CYP4X1: variants seen among roughly 807,000 people sequenced by gnomAD.
The protein encoded by CYP4X1 is cytochrome P450 family 4 subfamily X member 1, also known as cytochrome P450 4X1.
CYP4X1 carries 44 observed loss-of-function variants against 57.9 expected under a neutral mutation model. That is an observed-to-expected ratio of 0.76 (90% CI 0.60 to 0.98). The LOEUF is 0.98. Among genes scored for constraint, CYP4X1 ranks in the 50% least tolerant of loss-of-function variants. The pLI, the probability that CYP4X1 is intolerant of heterozygous loss-of-function variation, is 0.00. For missense variants in CYP4X1, 532 were observed against 623.9 expected, an observed-to-expected ratio of 0.85 and a Z score of 1.57; for synonymous variants, 227 against 228.6, an observed-to-expected ratio of 0.99 and a Z score of 0.06.
the CYP4X1 span, among the ~76,000 whole-genome samples, chr1:47,011,610 A>C: frequency 6.6e-6 from 1 of 152,226 alleles, no homozygotes; most frequent in Non-Finnish European, 1.5e-5. Flanking sequence ...CTACCATCAG[A>C]CTGAACAGGC....
intron 8 of CYP4X1, among the ~76,000 whole-genome samples, chr1:47,040,380 G>A (rs1359073933): frequency 6.6e-6 from 1 of 152,112 alleles, no homozygotes; most frequent in African/African-American, 2.4e-5. Context: ...AAGATAAAAT[G>A]TGTTCCTGAC....
the CYP4X1 span, among the ~76,000 whole-genome samples, chr1:46,992,635 T>A: frequency 6.6e-6 from 1 of 152,242 alleles, no homozygotes; most frequent in Non-Finnish European, 1.5e-5. Context: ...ACATTCTGTG[T>A]ACCCATTTGT....
the CYP4X1 span, among the ~76,000 whole-genome samples, chr1:47,006,899 C>G: frequency 6.6e-6 from 1 of 152,164 alleles, no homozygotes; most frequent in South Asian, 2.1e-4. Context: ...CCAAAACTGC[C>G]GAGGCTTGAG....
the CYP4X1 span, among the ~76,000 whole-genome samples, chr1:46,983,146 G>A: frequency 2.0e-5 from 3 of 152,166 alleles, no homozygotes; most frequent in African/African-American, 7.2e-5. Flanking sequence ...AAAGCACTCA[G>A]GCTCTTTGTT....
the CYP4X1 span, among the ~76,000 whole-genome samples, chr1:47,006,661 T>A: frequency 6.6e-6 from 1 of 151,726 alleles, no homozygotes; most frequent in Non-Finnish European, 1.5e-5. Context: ...GTGCAAGGGG[T>A]CAGGGAATTC....
At chr1:47,004,294 GTC>G in the CYP4X1 span, among the ~76,000 whole-genome samples, 1 of 152,060 alleles carries the variant, frequency 6.6e-6, no homozygotes, top group Admixed American at 6.5e-5. Context: ...TGTGTGTTTT[GTC>G]CAATTCTTTG....
the CYP4X1 span, among the ~76,000 whole-genome samples, chr1:46,975,428 A>G: frequency 6.6e-6 from 1 of 151,428 alleles, no homozygotes; most frequent in African/African-American, 2.5e-5. Context: ...TATGAAGCTT[A>G]GTTTGGCTGG....
the CYP4X1 span, among the ~76,000 whole-genome samples, chr1:46,963,578 TC>T: frequency 6.6e-6 from 1 of 152,254 alleles, no homozygotes; most frequent in Non-Finnish European, 1.5e-5. Context: ...TGGCCTCCAC[TC>T]TCTTCTGGCT....
At chr1:46,987,421 A>T in the CYP4X1 span, among the ~76,000 whole-genome samples, 1 of 152,210 alleles carries the variant, frequency 6.6e-6, no homozygotes. Context: ...TTAGACTCCC[A>T]TACAATAATA....
the CYP4X1 span, among the ~76,000 whole-genome samples, chr1:46,997,502 T>C: frequency 1.3e-5 from 2 of 152,372 alleles, no homozygotes; most frequent in Admixed American, 1.3e-4. Context: ...TGGGGAATTA[T>C]TTCATTTAGG....
chr1:47,055,041 A>C (rs1411490122), downstream of CYP4X1, among the ~76,000 whole-genome samples: 3 of 152,200 alleles, frequency 2.0e-5, no homozygotes, highest in Non-Finnish European at 4.4e-5. Flanking sequence ...ATTCTGTAGG[A>C]TATTGGCTGT....
chr1:46,993,347 G>A, the CYP4X1 span, among the ~76,000 whole-genome samples: 2 of 152,020 alleles, frequency 1.3e-5, no homozygotes, highest in African/African-American at 4.8e-5. Flanking sequence ...GGACATTTAG[G>A]TTGGTTCCAA....
At chr1:47,031,643 G>A (rs1644124799) in intron 3 of CYP4X1, among the ~76,000 whole-genome samples, 163 bp downstream of exon 3, 1 of 152,068 alleles carries the variant, frequency 6.6e-6, no homozygotes, top group South Asian at 2.1e-4. Context: ...GGAGCTCTAA[G>A]GTCAACACAC....
the CYP4X1 span, among the ~76,000 whole-genome samples, chr1:47,017,805 T>A: frequency 4.6e-5 from 7 of 152,206 alleles, no homozygotes; most frequent in Non-Finnish European, 8.8e-5. Flanking sequence ...TGAACCAATG[T>A]TCATTTTTAG....
the CYP4X1 span, among the ~76,000 whole-genome samples, chr1:46,994,698 A>G: frequency 6.6e-6 from 1 of 152,142 alleles, no homozygotes; most frequent in Admixed American, 6.5e-5. Flanking sequence ...AGCAAGAGGA[A>G]AGCTTCGTGA....
intron 11 of CYP4X1, 84 bp from the exon 12 acceptor site, chr1:47,049,916 T>G: frequency 7.3e-7 from 1 of 1,377,084 alleles, no homozygotes; most frequent in South Asian, 1.3e-5. Context: ...ACTGTGTACT[T>G]CAGACTTATT....
In CYP4X1 at chr1:47,031,564, C is replaced by A. The variant is rs1367614685; in HGVS notation, c.364+84C>A. 2.0e-6 allele frequency: 3 copies of A among 1,494,418 alleles called. No homozygotes were observed. In the African/African-American group the frequency reaches 4.2e-5, roughly 21 times the overall value. 92.6% of individuals were successfully genotyped at this position (1,494,418 alleles called of 1,614,324 possible). A position where few individuals can be genotyped will look rare whatever the true frequency, so the allele number is the denominator to read the frequency against. ...TAGAGCATGCCAAAGAAACTGAAAT[C>A]TGAATTCAAAAGCACAAAGAGTGCA... is the stretch of plus-strand genomic sequence containing the variant. On this transcript the variant is annotated intron_variant, in intron 3 of 11. Transcript: ENST00000371901.
chr1:47,004,686 G>A, the CYP4X1 span, among the ~76,000 whole-genome samples: 2 of 152,108 alleles, frequency 1.3e-5, no homozygotes, highest in African/African-American at 4.8e-5. Context: ...CCTGGCTGCA[G>A]CCACTCTTTT....
At chr1:46,999,843 C>T in the CYP4X1 span, among the ~76,000 whole-genome samples, 1 of 151,904 alleles carries the variant, frequency 6.6e-6, no homozygotes, top group Non-Finnish European at 1.5e-5. Context: ...CCTTGTCCAC[C>T]ATCCCTATCT....
Sources: allele counts gnomAD v4.1 joint callset (sites outside exome capture counted in the v4.1 genomes callset), GRCh38; gene constraint gnomAD v4.1.1; transcripts MANE v1.5; gene names NCBI Gene and HGNC (gene_info 2026-07-23, HGNC 2026-07-21).